The following ZNF808 variants were observed in gnomAD, a reference collection of about 807,000 sequenced individuals.
The protein encoded by ZNF808 is zinc finger protein 808.
In ZNF808, 5 loss-of-function variants were observed where a neutral mutation model predicts 8.7. The ratio of observed to expected loss-of-function variants is 0.58; its 90% CI spans 0.30 to 1.21. The LOEUF (loss-of-function observed/expected upper bound fraction) is 1.21. ZNF808 is among the 50% of genes most tolerant of loss of function. The probability of loss-of-function intolerance (pLI) is 0.07; values close to 1 mark genes in which losing one functional copy is unlikely to be tolerated. For missense variants in ZNF808, 1,103 were observed against 1,098.4 expected (o/e 1.00, Z -0.06); for synonymous variants, 380 against 366.0 (o/e 1.04, Z -0.44).
At chr19:52,559,570 A>G (rs772420269), downstream of ZNF808, among the ~76,000 whole-genome samples, 4 of 151,894 alleles carry the variant, frequency 2.6e-5, no homozygotes, top group Admixed American at 2.6e-4. Context: ...CTTTCTCTGT[A>G]CTTTGTCTCT....
At chr19:52,557,152 G>A (rs2059840691), downstream of ZNF808, among the ~76,000 whole-genome samples, 1 of 151,980 alleles carries the variant, frequency 6.6e-6, no homozygotes, top group Non-Finnish European at 1.5e-5. Context: ...TATATTTTTA[G>A]TAGAGACAGG....
intron 2 of ZNF808, among the ~76,000 whole-genome samples, chr19:52,539,545 GTGGTTTTTTTTTTTTT>G (rs1599973466): frequency 1.2e-5 from 1 of 84,238 alleles, no homozygotes; most frequent in African/African-American, 4.8e-5. Context: ...TTTTGTTGTG[GTGGTTTTTTTTTTTTT>G]TTTTTTTTTT....
At chr19:52,548,684 CA>C (rs930905693) in intron 4 of ZNF808, among the ~76,000 whole-genome samples, 5 of 152,174 alleles carry the variant, frequency 3.3e-5, no homozygotes, top group Non-Finnish European at 1.5e-5. Flanking sequence ...CTTGGATTCC[CA>C]AAGTGCTGGG....
At chr19:52,546,903 A>C (rs1375983729) in intron 3 of ZNF808, among the ~76,000 whole-genome samples, 2 of 150,822 alleles carry the variant, frequency 1.3e-5, no homozygotes, top group Admixed American at 6.6e-5. Context: ...TGGTCTCCCA[A>C]AATGCTAGGA....
At position 52,543,486 on chromosome 19, in the gene ZNF808, A is replaced by G. The variant is rs1276784138; in HGVS notation, c.63+139A>G. On this transcript the variant is annotated intron_variant, in intron 3 of 4. Transcript: ENST00000359798. ...CATTTTGCCTGACACGTTCACTTGC[A>G]CTCACCCATGCCTGCCCTCAGTTCC... The G allele has an allele frequency of 7.8e-6, 10 of 1,289,416 alleles. No homozygotes were observed. The South Asian group carries it at 1.3e-4, about 17-fold the overall frequency. The allele number at this position is 1,289,416 out of a possible 1,614,324, so 79.9% of individuals were successfully genotyped here.
intron 3 of ZNF808, among the ~76,000 whole-genome samples, chr19:52,544,313 A>G (rs1200543455): frequency 6.6e-6 from 1 of 152,110 alleles, no homozygotes; most frequent in Non-Finnish European, 1.5e-5. Flanking sequence ...ATGGGTCACC[A>G]TATGTATGTG....
intron 4 of ZNF808, 52 bp downstream of exon 4, chr19:52,547,690 C>T: frequency 6.3e-7 from 1 of 1,594,758 alleles, no homozygotes; most frequent in African/African-American, 1.4e-5. Flanking sequence ...TCTATCTTGG[C>T]TCTTCCTGGT....
chr19:52,559,709 T>A (rs1414913873), downstream of ZNF808, among the ~76,000 whole-genome samples: 1 of 152,142 alleles, frequency 6.6e-6, no homozygotes, highest in East Asian at 1.9e-4. Flanking sequence ...CAGGGTGCTT[T>A]ATCACATCAT....
At chr19:52,567,650 G>A (rs1413277757), downstream of ZNF808, among the ~76,000 whole-genome samples, 1 of 151,232 alleles carries the variant, frequency 6.6e-6, no homozygotes, top group Non-Finnish European at 1.5e-5. Context: ...TCAGCCTCCG[G>A]AGTAGCTGGG....
intron 2 of ZNF808, among the ~76,000 whole-genome samples, chr19:52,538,177 GT>G (rs968231477): frequency 1.3e-4 from 18 of 136,470 alleles, no homozygotes; most frequent in African/African-American, 3.8e-4. Flanking sequence ...CCAGCTAGTA[GT>G]TTTTTTTTTC....
At chr19:52,538,132 T>A (rs2633502) in intron 2 of ZNF808, among the ~76,000 whole-genome samples, 49,526 of 151,676 alleles carry the variant, frequency 0.33, 8,736 homozygotes, top group East Asian at 0.52. Context: ...CTCAGTCTCC[T>A]GAGTAGCTGA....
chr19:52,561,158 TTCTCTCTCTCTCTCTCTCTCTC>T (rs1191860993), downstream of ZNF808, among the ~76,000 whole-genome samples: 10 of 52,702 alleles, frequency 1.9e-4, no homozygotes, highest in African/African-American at 7.3e-4. Flanking sequence ...CTTCTATCTG[TTCTCTCTCTCTCTCTCTCTCTC>T]TCTCTCTCTC....
At chr19:52,528,878 A>G (rs554346689) in intron 1 of ZNF808, among the ~76,000 whole-genome samples, 1 of 152,228 alleles carries the variant, frequency 6.6e-6, no homozygotes, top group South Asian at 2.1e-4. Flanking sequence ...GAGAAGGAGC[A>G]ATAAGAGGTT....
chr19:52,542,872 G>A (rs914937063), intron 2 of ZNF808, among the ~76,000 whole-genome samples: 1 of 151,282 alleles, frequency 6.6e-6, no homozygotes, highest in East Asian at 1.9e-4. Flanking sequence ...GCAGTGGCAC[G>A]ATCTCGACTC....
intron 2 of ZNF808, among the ~76,000 whole-genome samples, chr19:52,542,165 T>C (rs2123124565): frequency 6.6e-6 from 1 of 151,886 alleles, no homozygotes; most frequent in Non-Finnish European, 1.5e-5. Context: ...ACGATCTCAG[T>C]TCACTGCAAC....
At chr19:52,543,763 C>T (rs2059695084) in intron 3 of ZNF808, among the ~76,000 whole-genome samples, 2 of 151,626 alleles carry the variant, frequency 1.3e-5, no homozygotes, top group Admixed American at 6.6e-5. Flanking sequence ...GGAAAGGAGA[C>T]GAATAAGAGG....
intron 4 of ZNF808, 67 bp from the exon 5 acceptor site, chr19:52,553,040 T>A: frequency 6.8e-7 from 1 of 1,463,654 alleles, no homozygotes; most frequent in Non-Finnish European, 9.0e-7. Context: ...TGTGTCATAT[T>A]TACACACTTC....
downstream of ZNF808, among the ~76,000 whole-genome samples, chr19:52,564,930 C>T (rs1052561394): frequency 2.6e-5 from 4 of 151,950 alleles, no homozygotes; most frequent in Admixed American, 2.6e-4. Flanking sequence ...ACTAACAATA[C>T]AAAAAATGAG....
chr19:52,557,623 T>G (rs1278439393), downstream of ZNF808, among the ~76,000 whole-genome samples: 1 of 152,228 alleles, frequency 6.6e-6, no homozygotes, highest in Non-Finnish European at 1.5e-5. Context: ...ACAGTTGACC[T>G]TCTTTCACTG....
Sources: gnomAD v4.1 joint callset for allele counts (sites outside exome capture counted in the v4.1 genomes callset) on GRCh38, gnomAD v4.1.1 for gene constraint, MANE v1.5 for transcripts, NCBI Gene and HGNC (gene_info 2026-07-23, HGNC 2026-07-21) for gene names.